The following LRATD1 variants were observed in gnomAD, a reference collection of about 807,000 sequenced individuals.
LRATD1 encodes the protein LRAT domain containing 1.
Under a neutral mutation model 21.3 loss-of-function variants are expected in LRATD1, and 8 were observed. The ratio of observed to expected loss-of-function variants is 0.38; its 90% CI spans 0.22 to 0.68. The LOEUF is 0.68. Ranked by LOEUF, LRATD1 falls within the 30% of genes least tolerant of loss-of-function variation. The pLI is 0.54. For missense variants in LRATD1, 380 were observed against 404.0 expected (o/e 0.94, Z 0.51); for synonymous variants, 210 against 186.2 (o/e 1.13, Z -1.04).
rs924264823 is a variant in LRATD1, at chr2:14,633,302, T to A, written c.-37+365T>A. On this transcript the variant is annotated intron_variant, in intron 1 of 1. Transcript: ENST00000295092. The surrounding 1 kb of genome is among the most constrained non-coding windows in gnomAD (Gnocchi z 7.5). ...GTGGAGCTGAAATTGTGTACGAATG[T>A]GTGGGGTCTAAGTGTGCCAGTGTGT... Among the ~76,000 whole-genome samples, 2 of 152,094 alleles carry A rather than the reference T, an allele frequency of 1.3e-5. No individual in the cohort carries two copies. Among genetic ancestry groups the A allele is most frequent in the Non-Finnish European group, 1.5e-5 (1 of 68,018 alleles).
At chr2:14,649,542 A>G (rs1008536157) in exon 6 of LRATD1, 3 of 364,020 alleles carry the variant, frequency 8.2e-6, no homozygotes, top group Admixed American at 3.5e-5. Flanking sequence ...CGTGTAGCCT[A>G]TATCCAGCAC....
chr2:14,640,195 T>C (rs528312300), downstream of LRATD1: 47 of 162,756 alleles, frequency 2.9e-4, 1 homozygote, highest in Admixed American at 2.9e-3. Flanking sequence ...GAAGGAAGCT[T>C]ATTGTAGCTC....
rs78781160 is a variant in LRATD1 at position 14,634,045 on chromosome 2, G to A, written c.66G>A (p.Ser22=). 3.5e-3 allele frequency: 5,667 copies of A among 1,614,076 alleles called. 167 individuals carry two copies. In the African/African-American group the frequency reaches 0.065, roughly 18 times the overall value. Residue 22 remains serine, a synonymous_variant, in exon 2 of 2, where the codon TCG becomes TCA. Transcript: ENST00000295092. ...GCGAGTTGCCCACAGGGGACCCGTC[G>A]GGGATTGAAAAGGACGAACTGCGGG... ...NYSELPTGDP[S]GIEKDELRVG... is the part of the protein sequence containing the mutation.
chr2:14,644,725 T>C (rs926494659), downstream of LRATD1, among the ~76,000 whole-genome samples: 1 of 151,980 alleles, frequency 6.6e-6, no homozygotes, highest in African/African-American at 2.4e-5. Context: ...CCCAAAGCCG[T>C]GATGACCTGA....
At chr2:14,647,453 G>T (rs1484536251) in intron 4 of LRATD1, among the ~76,000 whole-genome samples, 2 of 152,050 alleles carry the variant, frequency 1.3e-5, no homozygotes, top group Non-Finnish European at 2.9e-5. Context: ...TTCTTAGAAT[G>T]AATATATGAA....
downstream of LRATD1, chr2:14,650,094 A>G (rs535833048): frequency 1.3e-5 from 2 of 152,348 alleles, no homozygotes; most frequent in African/African-American, 4.8e-5. Context: ...ATGATATTAT[A>G]GCAGCCCAAA....
rs1372835064 is a variant in LRATD1 at position 14,635,419 on chromosome 2, G to T, written c.*561G>T. Reference sequence around the variant, plus strand: ...GAATAATTCCCCAAGACAGCACTTCGGGATTCCGGGTTATCCTGAGGCTGC... The same window carrying T: ...GAATAATTCCCCAAGACAGCACTTCTGGATTCCGGGTTATCCTGAGGCTGC... On this transcript the variant is annotated 3_prime_UTR_variant, in exon 2 of 2. Coordinates refer to ENST00000295092, the MANE Select transcript of LRATD1 (RefSeq NM_145175.4). 2.1e-6 allele frequency: 1 copy of T among 471,482 alleles called. No homozygotes were observed. The highest frequency in any genetic ancestry group is 2.3e-5 in the Admixed American group (1 of 42,612). The allele number at this position is 471,482 out of a possible 1,614,324, so 29.2% of individuals were successfully genotyped here. A position where few individuals can be genotyped will look rare whatever the true frequency, so the allele number is the denominator to read the frequency against.
rs1003519832 is a variant in LRATD1, at chr2:14,636,195, A to T, written c.*1337A>T. Reference sequence around the variant, plus strand: ...AGTTAATTTTTTGGCTTTCAACAGCAGCCCTAGTAATGGTGGAGTTGTTAA... The same window carrying T: ...AGTTAATTTTTTGGCTTTCAACAGCTGCCCTAGTAATGGTGGAGTTGTTAA... On this transcript the variant is annotated 3_prime_UTR_variant, in exon 2 of 2. Coordinates refer to ENST00000295092, the MANE Select transcript of LRATD1 (RefSeq NM_145175.4). The T allele has an allele frequency of 5.8e-5, 10 of 173,024 alleles. No homozygotes were observed. Among genetic ancestry groups the T allele is most frequent in the African/African-American group, 2.4e-4 (10 of 41,466 alleles). The allele number at this position is 173,024 out of a possible 1,614,324, so 10.7% of individuals were successfully genotyped here. A position where few individuals can be genotyped will look rare whatever the true frequency, so the allele number is the denominator to read the frequency against.
chr2:14,650,539 T>G (rs1184315530), downstream of LRATD1: 1 of 152,210 alleles, frequency 6.6e-6, no homozygotes, highest in Admixed American at 6.5e-5. Flanking sequence ...TATTCACATA[T>G]GTGTACTTTC....
chr2:14,634,832 G>T lies in LRATD1; in HGVS notation c.853G>T (p.Ala285Ser), dbSNP rs1053020358. 6.2e-7 allele frequency: 1 copy of T among 1,609,240 alleles called. No individual in the cohort carries two copies. The highest frequency in any genetic ancestry group is 8.5e-7 in the Non-Finnish European group (1 of 1,177,194). ...SGRLRVLQEL[A>S]DLVDDKE Reference sequence around the variant, plus strand: ...CCGCCTGCGAGTGCTCCAGGAGCTCGCCGACCTCGTGGACGACAAGGAGTA... The same window carrying T: ...CCGCCTGCGAGTGCTCCAGGAGCTCTCCGACCTCGTGGACGACAAGGAGTA... Residue 285 changes from alanine (A) to serine (S), a missense_variant, in exon 2 of 2, where the codon GCC becomes TCC. Transcript: ENST00000295092.
Position 14,637,692 on chromosome 2 carries a change from A to C in LRATD1, c.*2834A>C, listed in dbSNP as rs1671717877. ...AGAGGATATGATCAAGATATTACCTAATGGTTTTATCCTGAAAAAGGTGTA... is the reference window on the plus strand; with the variant it reads ...AGAGGATATGATCAAGATATTACCTCATGGTTTTATCCTGAAAAAGGTGTA... On this transcript the variant is annotated 3_prime_UTR_variant, in exon 2 of 2. Transcript: ENST00000295092. 6.0e-6 allele frequency: 1 copy of C among 167,052 alleles called. No homozygotes were observed. The highest frequency in any genetic ancestry group is 1.5e-5 in the Non-Finnish European group (1 of 68,116). The allele number at this position is 167,052 out of a possible 1,614,324, so 10.3% of individuals were successfully genotyped here. A position where few individuals can be genotyped will look rare whatever the true frequency, so the allele number is the denominator to read the frequency against.
At chr2:14,640,220 C>A (rs1671786086), downstream of LRATD1, among the ~76,000 whole-genome samples, 1 of 152,096 alleles carries the variant, frequency 6.6e-6, no homozygotes, top group Non-Finnish European at 1.5e-5. Context: ...TAAAAATTTT[C>A]TTTGGTATAT....
At chr2:14,644,350 C>T (rs1426338418), downstream of LRATD1, among the ~76,000 whole-genome samples, 5 of 152,198 alleles carry the variant, frequency 3.3e-5, no homozygotes, top group East Asian at 1.9e-4. Context: ...GATAATTACA[C>T]ATTTTTGTTA....
At chr2:14,650,177 T>C (rs1671981626), downstream of LRATD1, 1 of 152,224 alleles carries the variant, frequency 6.6e-6, no homozygotes, top group East Asian at 1.9e-4. Flanking sequence ...CTGTGGATGT[T>C]TCTAGCTCTC....
Position 14,638,992 on chromosome 2 carries a change from A to G in LRATD1, c.*4134A>G, listed in dbSNP as rs1572299265. ...TACATGTATACATATACATACACAC[A>G]TATGTACATTTACACATATGTAAGT... is the stretch of plus-strand genomic sequence containing the variant. On this transcript the variant is annotated 3_prime_UTR_variant, in exon 2 of 2. Transcript: ENST00000295092. 1.2e-5 allele frequency: 2 copies of G among 166,782 alleles called. No homozygotes were observed. Among genetic ancestry groups the G allele is most frequent in the African/African-American group, 4.8e-5 (2 of 41,408 alleles). The allele number at this position is 166,782 out of a possible 1,614,324, so 10.3% of individuals were successfully genotyped here. A position where few individuals can be genotyped will look rare whatever the true frequency, so the allele number is the denominator to read the frequency against.
chr2:14,637,353 C>T lies in LRATD1; in HGVS notation c.*2495C>T, dbSNP rs921305265. ...CTAAGATTTATTTCCTCTGATGGTA[C>T]ATAGATTTCTCTCTCACTAAGAGGG... On this transcript the variant is annotated 3_prime_UTR_variant, in exon 2 of 2. Transcript: ENST00000295092. 6.0e-6 allele frequency: 1 copy of T among 167,002 alleles called. No homozygotes were observed. The highest frequency in any genetic ancestry group is 2.4e-5 in the African/African-American group (1 of 41,450). 10.3% of individuals were successfully genotyped at this position (167,002 alleles called of 1,614,324 possible).
At position 14,639,187 on chromosome 2, in the gene LRATD1, G is replaced by C. The variant is rs1014380146; in HGVS notation, c.*4329G>C. ...CAAAAACAGGAAGAAAAGCCCTGGA[G>C]GTCATATAGCTAATGTATAACTGCA... On this transcript the variant is annotated 3_prime_UTR_variant, in exon 2 of 2. Coordinates refer to ENST00000295092, the MANE Select transcript of LRATD1 (RefSeq NM_145175.4). The C allele has an allele frequency of 1.2e-5, 2 of 166,822 alleles. No individual in the cohort carries two copies. The highest frequency in any genetic ancestry group is 2.9e-5 in the Non-Finnish European group (2 of 68,044). 10.3% of individuals were successfully genotyped at this position (166,822 alleles called of 1,614,324 possible).
At chr2:14,645,225 A>G (rs1572302985) in intron 2 of LRATD1, among the ~76,000 whole-genome samples, 1 of 152,198 alleles carries the variant, frequency 6.6e-6, no homozygotes, top group East Asian at 1.9e-4. Flanking sequence ...TCTAATAACT[A>G]CAGTAAATGT....
In LRATD1 at chr2:14,634,301, C is replaced by A; in HGVS notation, c.322C>A (p.Leu108Ile). The A allele has an allele frequency of 1.2e-6, 2 of 1,600,912 alleles. No individual in the cohort carries two copies. Among genetic ancestry groups the A allele is most frequent in the Non-Finnish European group, 1.7e-6 (2 of 1,177,950 alleles). ...KVSGGPQGAD[L>I]SVYAVTALPA... The stretch of plus-strand genomic sequence containing the variant: ...GAGCGGTGGCCCTCAGGGCGCCGAC[C>A]TAAGCGTCTACGCGGTCACCGCGCT... The change falls in exon 2 of 2, where the codon CTA becomes ATA. Residue 108 changes from leucine to isoleucine, a missense_variant. Physicochemically the swap from Leu to Ile is conservative, Grantham distance 5. Coordinates refer to ENST00000295092, the MANE Select transcript of LRATD1 (RefSeq NM_145175.4).
Sources: gnomAD v4.1 joint callset for allele counts (sites outside exome capture counted in the v4.1 genomes callset) on GRCh38, gnomAD v4.1.1 for gene constraint, Gnocchi (gnomAD v3.1) non-coding constraint, MANE v1.5 for transcripts, NCBI Gene and HGNC (gene_info 2026-07-23, HGNC 2026-07-21) for gene names.